The following GRIK2 variants were observed in gnomAD, a reference collection of about 807,000 sequenced individuals.
GRIK2 encodes the protein glutamate ionotropic receptor kainate type subunit 2.
In GRIK2, 32 loss-of-function variants were observed where a neutral mutation model predicts 100.3. That is an observed-to-expected ratio of 0.32 (90% CI 0.24 to 0.43). The LOEUF is 0.43. Ranked by LOEUF, GRIK2 falls within the 20% of genes least tolerant of loss-of-function variation. The pLI is 1.00. For synonymous variants in GRIK2, 417 were observed against 389.4 expected (o/e 1.07, Z -0.83); for missense variants, 843 against 1,114.9 (o/e 0.76, Z 3.47).
chr6:101,776,958 C>G (rs1295337267), intron 7 of GRIK2, among the ~76,000 whole-genome samples: 1 of 152,168 alleles, frequency 6.6e-6, no homozygotes, highest in Non-Finnish European at 1.5e-5. Flanking sequence ...TGGAGAGTAT[C>G]CATCTGAAGA....
chr6:101,594,826 T>C (rs1206308155), intron 2 of GRIK2, among the ~76,000 whole-genome samples: 2 of 151,766 alleles, frequency 1.3e-5, no homozygotes, highest in African/African-American at 4.8e-5. Context: ...TGAAGGCAGA[T>C]AGGGCGGTGA....
chr6:101,434,405 T>C (rs1314604959), intron 2 of GRIK2, among the ~76,000 whole-genome samples: 1 of 152,188 alleles, frequency 6.6e-6, no homozygotes, highest in Non-Finnish European at 1.5e-5. Flanking sequence ...GGCAAAGTCT[T>C]GGTCCAAACT....
At chr6:101,543,809 C>T (rs958303316) in intron 2 of GRIK2, among the ~76,000 whole-genome samples, 1 of 152,186 alleles carries the variant, frequency 6.6e-6, no homozygotes, top group Non-Finnish European at 1.5e-5. Context: ...GCCAATGCTA[C>T]ATACATTTTG....
In GRIK2 at chr6:101,884,447, C is replaced by T. The variant is rs117826444; in HGVS notation, c.1525-5193C>T. On this transcript the variant is annotated intron_variant, in intron 11 of 16. Coordinates refer to ENST00000369134, the MANE Select transcript of GRIK2 (RefSeq NM_021956.5). ...ATTATAAAAATAAGATCATTATGTTCTTTGATTTCTGAAACTTCATAAAGA... is the reference window on the plus strand; with the variant it reads ...ATTATAAAAATAAGATCATTATGTTTTTTGATTTCTGAAACTTCATAAAGA... Among the ~76,000 whole-genome samples the T allele has an allele frequency of 5.1e-3, 777 of 152,156 alleles. 5 individuals are homozygous for T. The highest frequency in any genetic ancestry group is 0.045 in the Middle Eastern group (13 of 292).
Position 101,403,916 on chromosome 6 carries a change from A to C in GRIK2, c.115+4524A>C, listed in dbSNP as rs117238157. 1.5e-3 allele frequency among the ~76,000 whole-genome samples: 232 copies of C among 152,330 alleles called. 4 individuals are homozygous for C. In the East Asian group the frequency reaches 0.037, roughly 24 times the overall value. Reference sequence around the variant, plus strand: ...ACAACGATCACACTTTAAAAAAATCAGTTTTTCTCATAAGTTCTCACTTAC... The same window carrying C: ...ACAACGATCACACTTTAAAAAAATCCGTTTTTCTCATAAGTTCTCACTTAC... On this transcript the variant is annotated intron_variant, in intron 2 of 16. Transcript: ENST00000369134.
At chr6:101,858,826 G>A (rs1784584652) in intron 10 of GRIK2, among the ~76,000 whole-genome samples, 1 of 151,766 alleles carries the variant, frequency 6.6e-6, no homozygotes, top group Non-Finnish European at 1.5e-5. Context: ...GCACATAGTA[G>A]GCAATTAGTC....
chr6:101,598,693 G>A (rs780306448), intron 2 of GRIK2, among the ~76,000 whole-genome samples: 12 of 149,366 alleles, frequency 8.0e-5, no homozygotes, highest in Middle Eastern at 7.0e-3. Context: ...ACTAAACAGA[G>A]CCAAATAGGA....
intron 2 of GRIK2, among the ~76,000 whole-genome samples, chr6:101,524,404 A>C (rs1306529043): frequency 2.0e-5 from 3 of 146,806 alleles, no homozygotes; most frequent in Non-Finnish European, 4.5e-5. Context: ...ATATATATAT[A>C]TCAATCACAG....
intron 2 of GRIK2, among the ~76,000 whole-genome samples, chr6:101,604,331 A>G (rs1351861331): frequency 3.3e-5 from 5 of 151,860 alleles, no homozygotes; most frequent in Non-Finnish European, 5.9e-5. Context: ...GATATATCCA[A>G]TGGATGATAT....
At chr6:101,960,756 C>T (rs570492505) in intron 14 of GRIK2, among the ~76,000 whole-genome samples, 5 of 152,104 alleles carry the variant, frequency 3.3e-5, no homozygotes, top group Admixed American at 6.5e-5. Context: ...TACCTTATTC[C>T]GCAGCACAAT....
intron 14 of GRIK2, among the ~76,000 whole-genome samples, chr6:101,972,898 G>T (rs866764006): frequency 1.3e-5 from 2 of 151,922 alleles, no homozygotes; most frequent in South Asian, 4.2e-4. Flanking sequence ...CTGTTCCATT[G>T]ATCTATGTGT....
At chr6:101,727,837 A>G (rs1774979982) in intron 7 of GRIK2, among the ~76,000 whole-genome samples, 1 of 152,080 alleles carries the variant, frequency 6.6e-6, no homozygotes, top group African/African-American at 2.4e-5. Context: ...TAGCCTATAT[A>G]TAATTGAGAG....
At chr6:101,575,613 A>G (rs1289495247) in intron 2 of GRIK2, among the ~76,000 whole-genome samples, 3 of 152,024 alleles carry the variant, frequency 2.0e-5, no homozygotes, top group Non-Finnish European at 4.4e-5. Context: ...AAATATAGAT[A>G]GTGTTCTGTT....
intron 2 of GRIK2, among the ~76,000 whole-genome samples, chr6:101,501,017 A>G (rs982592052): frequency 1.3e-5 from 2 of 152,112 alleles, no homozygotes; most frequent in Non-Finnish European, 2.9e-5. Flanking sequence ...AAAAATGGGG[A>G]TTACCACATA....
chr6:101,630,900 C>G (rs554563178), intron 4 of GRIK2, among the ~76,000 whole-genome samples: 1 of 151,646 alleles, frequency 6.6e-6, no homozygotes, highest in South Asian at 2.1e-4. Context: ...ATTATGTATG[C>G]TGTTGCTCCC....
At chr6:101,789,613 G>A (rs1162026405) in intron 7 of GRIK2, among the ~76,000 whole-genome samples, 5 of 152,258 alleles carry the variant, frequency 3.3e-5, no homozygotes, top group South Asian at 2.1e-4. Context: ...CTGTAGACTT[G>A]TAGTATAGTT....
chr6:101,432,687 A>G (rs1006043184), intron 2 of GRIK2, among the ~76,000 whole-genome samples: 4 of 152,116 alleles, frequency 2.6e-5, no homozygotes, highest in Non-Finnish European at 5.9e-5. Context: ...TTAGGGTGAG[A>G]GGAGGGTATG....
intron 2 of GRIK2, among the ~76,000 whole-genome samples, chr6:101,404,622 T>C (rs1775501349): frequency 6.6e-6 from 1 of 152,240 alleles, no homozygotes; most frequent in South Asian, 2.1e-4. Context: ...ATTATTAATC[T>C]ACTGCATGCT....
chr6:102,057,791 A>G (rs531059861), intron 16 of GRIK2, among the ~76,000 whole-genome samples: 1 of 151,770 alleles, frequency 6.6e-6, no homozygotes, highest in Non-Finnish European at 1.5e-5. Flanking sequence ...TTAACTCTCA[A>G]TTTCCCAAGT....
Sources: allele counts gnomAD v4.1 joint callset (sites outside exome capture counted in the v4.1 genomes callset), GRCh38; gene constraint gnomAD v4.1.1; transcripts MANE v1.5; gene names NCBI Gene and HGNC (gene_info 2026-07-23, HGNC 2026-07-21).